The following MIS18A variants were observed in gnomAD, a reference collection of about 807,000 sequenced individuals.
MIS18A encodes protein Mis18-alpha.
A neutral mutation model predicts 25.0 loss-of-function variants in MIS18A; 14 were observed. That is an observed-to-expected ratio of 0.56 (90% CI 0.37 to 0.88). MIS18A has a LOEUF of 0.88. MIS18A is among the 40% of genes least tolerant of loss of function. The probability of loss-of-function intolerance (pLI) is 0.00; values close to 1 mark genes in which losing one functional copy is unlikely to be tolerated. For missense variants in MIS18A, 292 were observed against 290.8 expected (o/e 1.00, Z -0.03); for synonymous variants, 134 against 118.6 (o/e 1.13, Z -0.84).
At chr21:32,163,282 G>A in the MIS18A span, among the ~76,000 whole-genome samples, 1 of 152,148 alleles carries the variant, frequency 6.6e-6, no homozygotes, top group Non-Finnish European at 1.5e-5. Flanking sequence ...ACATCCCTGA[G>A]GCTACAGATA....
the MIS18A span, among the ~76,000 whole-genome samples, chr21:32,173,955 G>GTTTTTT: frequency 5.4e-5 from 5 of 92,612 alleles, 1 homozygote; most frequent in African/African-American, 1.7e-4. Flanking sequence ...TACTTTTTAA[G>GTTTTTT]TTTTTTTTTT....
At chr21:32,207,156 G>A in the MIS18A span, among the ~76,000 whole-genome samples, 2 of 152,090 alleles carry the variant, frequency 1.3e-5, no homozygotes, top group African/African-American at 2.4e-5. Flanking sequence ...CAGAATACGA[G>A]GCGTGTTCAA....
the MIS18A span, among the ~76,000 whole-genome samples, chr21:32,207,638 G>A: frequency 2.0e-5 from 3 of 152,054 alleles, no homozygotes; most frequent in Non-Finnish European, 2.9e-5. Context: ...GGCATAAATG[G>A]GGAAACAGAT....
the MIS18A span, among the ~76,000 whole-genome samples, chr21:32,230,668 G>A: frequency 1.3e-5 from 2 of 152,100 alleles, no homozygotes; most frequent in Non-Finnish European, 2.9e-5. Flanking sequence ...AATTATGCTG[G>A]AACAACTTGG....
chr21:32,223,737 C>T, the MIS18A span, among the ~76,000 whole-genome samples: 1 of 152,146 alleles, frequency 6.6e-6, no homozygotes, highest in Admixed American at 6.5e-5. Flanking sequence ...GAAACTATTC[C>T]AAACAATAGA....
rs2031663581 is a variant in MIS18A, at chr21:32,269,056, A to G, written c.683T>C (p.Phe228Ser). 6.2e-7 allele frequency: 1 copy of G among 1,604,378 alleles called. No homozygotes were observed. Among genetic ancestry groups the G allele is most frequent in the Non-Finnish European group, 8.5e-7 (1 of 1,173,910 alleles). The change falls in exon 5 of 5, where the codon TTT (phenylalanine) becomes TCT (serine). Residue 228 changes from phenylalanine to serine, a missense_variant. Physicochemically the swap from Phe to Ser is radical, Grantham distance 155 (BLOSUM62 -2). Transcript: ENST00000290130. Reference sequence around the variant, plus strand: ...TAGAGTTCAGCTTTTACAAGTGGCAAAGGACAATTTGGATTCGGCCTCCCA... The same window carrying G: ...TAGAGTTCAGCTTTTACAAGTGGCAGAGGACAATTTGGATTCGGCCTCCCA... ...KLWEAESKLS[F>S]ATCKS
the MIS18A span, among the ~76,000 whole-genome samples, chr21:32,174,987 C>T: frequency 1.2e-4 from 19 of 152,302 alleles, no homozygotes; most frequent in African/African-American, 4.3e-4. Flanking sequence ...AACAGGGATA[C>T]ATTCTGACAA....
chr21:32,165,417 C>G, the MIS18A span, among the ~76,000 whole-genome samples: 214 of 141,484 alleles, frequency 1.5e-3, no homozygotes, highest in African/African-American at 5.1e-3. Context: ...AATTAATTAA[C>G]TAAGTAACAT....
At chr21:32,261,369 T>G in the MIS18A span, 1 of 152,188 alleles carries the variant, frequency 6.6e-6, no homozygotes, top group African/African-American at 2.4e-5. Flanking sequence ...GTTGAAGTGT[T>G]GAGTGGGCAA....
At chr21:32,252,343 T>G in the MIS18A span, among the ~76,000 whole-genome samples, 3 of 117,248 alleles carry the variant, frequency 2.6e-5, no homozygotes, top group South Asian at 2.6e-4. Flanking sequence ...AAAGAATGAA[T>G]GAAGGCAGGC....
chr21:32,200,848 C>G, the MIS18A span, among the ~76,000 whole-genome samples: 2 of 152,160 alleles, frequency 1.3e-5, no homozygotes, highest in African/African-American at 4.8e-5. Context: ...TTAGAGCACT[C>G]CTAATTATCT....
At chr21:32,223,986 T>TA in the MIS18A span, among the ~76,000 whole-genome samples, 1 of 152,184 alleles carries the variant, frequency 6.6e-6, no homozygotes. Context: ...CACAAATCAA[T>TA]AAATGTAATC....
At chr21:32,278,561 T>G (rs2031862112) in intron 1 of MIS18A, 120 bp downstream of exon 1, 1 of 1,068,876 alleles carries the variant, frequency 9.4e-7, no homozygotes, top group Non-Finnish European at 1.3e-6. Context: ...CTCAGACTTT[T>G]TGCTCTTAAA....
the MIS18A span, among the ~76,000 whole-genome samples, chr21:32,194,909 G>C: frequency 5.9e-5 from 9 of 152,080 alleles, no homozygotes; most frequent in Non-Finnish European, 1.2e-4. Context: ...GGTGGGAAGG[G>C]GGTGAGGGAT....
the MIS18A span, among the ~76,000 whole-genome samples, chr21:32,219,126 C>T: frequency 2.6e-5 from 4 of 151,872 alleles, no homozygotes; most frequent in Non-Finnish European, 4.4e-5. Context: ...ATTCACATTC[C>T]AACCAAAAGA....
chr21:32,189,644 A>G, the MIS18A span, among the ~76,000 whole-genome samples: 3 of 152,048 alleles, frequency 2.0e-5, no homozygotes, highest in East Asian at 3.9e-4. Flanking sequence ...CCATCCCTTT[A>G]CGTTTTATCA....
chr21:32,165,167 C>G, the MIS18A span, among the ~76,000 whole-genome samples: 1 of 152,024 alleles, frequency 6.6e-6, no homozygotes, highest in Admixed American at 6.6e-5. Flanking sequence ...AACCCTGTCT[C>G]TACTAAAAAC....
chr21:32,216,673 T>G, the MIS18A span, among the ~76,000 whole-genome samples: 1 of 152,248 alleles, frequency 6.6e-6, no homozygotes, highest in South Asian at 2.1e-4. Context: ...CAGAGCTATA[T>G]CATGCCCAAG....
chr21:32,220,188 C>T, the MIS18A span, among the ~76,000 whole-genome samples: 1 of 152,202 alleles, frequency 6.6e-6, no homozygotes, highest in African/African-American at 2.4e-5. Flanking sequence ...CTGTGAGACA[C>T]CTCCCAGCAG....
Sources: gnomAD v4.1 joint callset for allele counts (sites outside exome capture counted in the v4.1 genomes callset) on GRCh38, gnomAD v4.1.1 for gene constraint, MANE v1.5 for transcripts, NCBI Gene and HGNC (gene_info 2026-07-23, HGNC 2026-07-21) for gene names.